NEGR1: variants seen among roughly 807,000 people sequenced by gnomAD.
NEGR1 encodes the protein IgLON family member 4.
A neutral mutation model predicts 40.9 loss-of-function variants in NEGR1; 10 were observed. The observed-to-expected ratio is 0.24, with a 90% CI of 0.15 to 0.42. The LOEUF (loss-of-function observed/expected upper bound fraction) is 0.42, where lower values mean the gene tolerates loss of function less well. Ranked by LOEUF, NEGR1 falls within the 10% of genes least tolerant of loss-of-function variation. The pLI is 1.00. For missense variants in NEGR1, 352 were observed against 438.9 expected, an observed-to-expected ratio of 0.80 and a Z score of 1.77; for synonymous variants, 185 against 166.8, an observed-to-expected ratio of 1.11 and a Z score of -0.84.
intron 1 of NEGR1, among the ~76,000 whole-genome samples, chr1:72,255,867 A>G (rs1415751880): frequency 6.6e-6 from 1 of 152,042 alleles, no homozygotes; most frequent in African/African-American, 2.4e-5. Context: ...TTAATTTTAA[A>G]CCACTAAAGC....
chr1:71,675,710 C>T lies in NEGR1; in HGVS notation c.667+22298G>A, dbSNP rs545854201. Reference sequence around the variant, plus strand: ...GGAAACCAAACATGAATAGGGTATACAGAAAAAGAAACCAAGTTCTTGTTC... The same window carrying T: ...GGAAACCAAACATGAATAGGGTATATAGAAAAAGAAACCAAGTTCTTGTTC... On this transcript the variant is annotated intron_variant, in intron 4 of 6. Transcript: ENST00000357731. Among the ~76,000 whole-genome samples the T allele has an allele frequency of 2.6e-5, 4 of 152,178 alleles. No individual in the cohort carries two copies. In the East Asian group the frequency reaches 7.8e-4, roughly 29 times the overall value.
At chr1:71,474,242 A>C (rs771219450) in intron 6 of NEGR1, among the ~76,000 whole-genome samples, 1 of 151,692 alleles carries the variant, frequency 6.6e-6, no homozygotes, top group Admixed American at 6.6e-5. Context: ...TATTTTCATA[A>C]AGTTAATTAA....
At chr1:71,801,006 T>G (rs899921703) in intron 2 of NEGR1, among the ~76,000 whole-genome samples, 1 of 152,222 alleles carries the variant, frequency 6.6e-6, no homozygotes, top group Admixed American at 6.5e-5. Flanking sequence ...CCACTACTAC[T>G]TCCCTGCAAC....
chr1:72,101,450 A>G (rs1263497772), intron 1 of NEGR1, among the ~76,000 whole-genome samples: 1 of 152,186 alleles, frequency 6.6e-6, no homozygotes. Context: ...GTGCCAAATG[A>G]AGTTTGGCAA....
Position 71,935,244 on chromosome 1 carries a change from C to T in NEGR1, c.244G>A (p.Gly82Ser). The change falls in exon 2 of 7, where the codon GGT (glycine) becomes AGT (serine). Residue 82 changes from glycine to serine, a missense_variant. By Grantham distance (56) the Gly-to-Ser change is moderately conservative. Transcript: ENST00000357731. ...CGAGGATCCACTGACCACTTATCAC[C>T]TCCCGCAAAAATAATACTTGACCGG... ...LNRSSIIFAGGDKWSVDPRVS... is the reference protein window; with the variant it reads ...LNRSSIIFAGSDKWSVDPRVS... The T allele has an allele frequency of 6.2e-7, 1 of 1,613,980 alleles. No homozygotes were observed. The highest frequency in any genetic ancestry group is 8.5e-7 in the Non-Finnish European group (1 of 1,179,942).
intron 2 of NEGR1, among the ~76,000 whole-genome samples, chr1:71,895,011 A>G (rs990033046): frequency 6.6e-6 from 1 of 152,228 alleles, no homozygotes; most frequent in African/African-American, 2.4e-5. Context: ...GAAAATATCT[A>G]TAAGCAGTCT....
chr1:72,195,239 A>G (rs1652960389), intron 1 of NEGR1, among the ~76,000 whole-genome samples: 1 of 152,044 alleles, frequency 6.6e-6, no homozygotes, highest in Admixed American at 6.6e-5. Context: ...GAGGATAAAG[A>G]GCTACTGCTC....
chr1:71,672,768 G>GA (rs1170664112), intron 4 of NEGR1, among the ~76,000 whole-genome samples: 1 of 152,078 alleles, frequency 6.6e-6, no homozygotes, highest in Admixed American at 6.5e-5. Context: ...ACTGACATCA[G>GA]AAAAATATAG....
intron 2 of NEGR1, among the ~76,000 whole-genome samples, chr1:71,785,442 GT>G (rs11291984): frequency 0.08 from 11,745 of 147,560 alleles, 587 homozygotes; most frequent in East Asian, 0.15. Flanking sequence ...TAATAATGAG[GT>G]TTTTTTTTTT....
At chr1:72,003,919 A>T (rs1347006391) in intron 1 of NEGR1, among the ~76,000 whole-genome samples, 1 of 152,162 alleles carries the variant, frequency 6.6e-6, no homozygotes, top group East Asian at 1.9e-4. Context: ...TGCATGAGCC[A>T]TTTTCTATGG....
intron 6 of NEGR1, among the ~76,000 whole-genome samples, chr1:71,453,327 AT>A (rs1050085652): frequency 6.6e-6 from 1 of 152,102 alleles, no homozygotes; most frequent in African/African-American, 2.4e-5. Context: ...AGCTCTTTTA[AT>A]TATATAATAA....
chr1:72,033,619 G>A (rs1646878010), intron 1 of NEGR1, among the ~76,000 whole-genome samples: 1 of 151,996 alleles, frequency 6.6e-6, no homozygotes, highest in Admixed American at 6.6e-5. Flanking sequence ...TTAATTTTAA[G>A]CACTTAATTA....
intron 5 of NEGR1, among the ~76,000 whole-genome samples, chr1:71,597,470 C>CTGTGTGTG (rs1365847832): frequency 0.012 from 287 of 24,752 alleles, no homozygotes; most frequent in East Asian, 0.044. Flanking sequence ...CTCTCTCTCT[C>CTGTGTGTG]TCTGTGTGTG....
chr1:72,138,454 G>A (rs1214745932), intron 1 of NEGR1, among the ~76,000 whole-genome samples: 1 of 151,588 alleles, frequency 6.6e-6, no homozygotes, highest in African/African-American at 2.4e-5. Context: ...TGAAAAGCAA[G>A]GCCAAATATG....
intron 2 of NEGR1, among the ~76,000 whole-genome samples, chr1:71,781,040 G>A (rs1466772942): frequency 2.0e-5 from 3 of 152,044 alleles, no homozygotes; most frequent in Non-Finnish European, 2.9e-5. Flanking sequence ...GTGAGTGCAC[G>A]GCATTATTTT....
chr1:71,429,592 G>C (rs1000180838), intron 6 of NEGR1, among the ~76,000 whole-genome samples: 1 of 152,004 alleles, frequency 6.6e-6, no homozygotes, highest in African/African-American at 2.4e-5. Flanking sequence ...TTCTCACTCT[G>C]GGACCTCTCC....
intron 3 of NEGR1, among the ~76,000 whole-genome samples, chr1:71,743,440 A>C (rs1488461306): frequency 6.6e-6 from 1 of 152,086 alleles, no homozygotes; most frequent in Non-Finnish European, 1.5e-5. Context: ...CCGGAGAAAA[A>C]ATTTCCACTA....
chr1:71,813,446 T>C (rs1465146523), intron 2 of NEGR1, among the ~76,000 whole-genome samples: 1 of 152,106 alleles, frequency 6.6e-6, no homozygotes, highest in East Asian at 1.9e-4. Context: ...AATTTTAAAG[T>C]AGCTTTTTTC....
At chr1:72,108,092 T>C (rs1649206589) in intron 1 of NEGR1, among the ~76,000 whole-genome samples, 3 of 151,622 alleles carry the variant, frequency 2.0e-5, no homozygotes, top group Admixed American at 2.0e-4. Flanking sequence ...CTGAGCATTT[T>C]CTAGAACATC....
Sources: allele counts gnomAD v4.1 joint callset (sites outside exome capture counted in the v4.1 genomes callset), GRCh38; gene constraint gnomAD v4.1.1; transcripts MANE v1.5; gene names NCBI Gene and HGNC (gene_info 2026-07-23, HGNC 2026-07-21).